The following DIDO1 variants were observed in gnomAD, a reference collection of about 807,000 sequenced individuals.
DIDO1 encodes the protein death inducer-obliterator 1, also known as death-inducer obliterator 1.
DIDO1 carries 16 observed loss-of-function variants against 99.4 expected under a neutral mutation model. The ratio of observed to expected loss-of-function variants is 0.16; its 90% CI spans 0.11 to 0.24. The LOEUF is 0.24. Ranked by LOEUF, DIDO1 falls within the 10% of genes least tolerant of loss-of-function variation. The pLI is 1.00. For missense variants in DIDO1, 2,996 were observed against 3,014.0 expected, an observed-to-expected ratio of 0.99 and a Z score of 0.14; for synonymous variants, 1,366 against 1,239.1, an observed-to-expected ratio of 1.10 and a Z score of -2.15.
rs2064826853 is a variant in DIDO1, at chr20:62,907,204, A to C, written c.1317T>G (p.Pro439=). 1 of 1,614,014 alleles carries C rather than the reference A, an allele frequency of 6.2e-7. No individual in the cohort carries two copies. Among genetic ancestry groups the C allele is most frequent in the African/African-American group, 1.3e-5 (1 of 74,896 alleles). The change falls in exon 5 of 16, where the codon CCT becomes CCG. Residue 439 remains proline, a synonymous_variant. Transcript: ENST00000395343. The part of the protein sequence containing the change: ...LSSGKEQKPK[P]KEKMKMKPEK... The stretch of plus-strand genomic sequence containing the variant: ...CTGGCTTCATCTTCATCTTTTCTTT[A>C]GGCTTTGGCTTCTGTTCTTTACCTG...
Position 62,879,728 on chromosome 20 carries a change from G to C in DIDO1, c.6228C>G (p.His2076Gln). The C allele has an allele frequency of 1.9e-6, 3 of 1,611,640 alleles. No homozygotes were observed. Among genetic ancestry groups the C allele is most frequent in the Non-Finnish European group, 2.5e-6 (3 of 1,179,808 alleles). Reference sequence around the variant, plus strand: ...CTTCGAAAGTCTGGTTTCTGTATTCGTGGCCTTTCCCCTCTCGGAAGTCGG... The same window carrying C: ...CTTCGAAAGTCTGGTTTCTGTATTCCTGGCCTTTCCCCTCTCGGAAGTCGG... ...ASADFREGKG[H>Q]EYRNQTFEGR... The change falls in exon 16 of 16, where the codon CAC (histidine) becomes CAG (glutamine). Residue 2076 changes from histidine to glutamine, a missense_variant. Coordinates refer to ENST00000395343, the MANE Select transcript of DIDO1 (RefSeq NM_001193369.2). The surrounding 1 kb of genome is among the most constrained non-coding windows in gnomAD (Gnocchi z 6.3).
intron 5 of DIDO1, 60 bp from the exon 6 acceptor site, chr20:62,906,160 T>C (rs894133550): frequency 6.4e-7 from 1 of 1,555,718 alleles, no homozygotes; most frequent in African/African-American, 1.4e-5. Context: ...CTTCACTTCA[T>C]TTCACTGAGA....
At position 62,894,555 on chromosome 20, in the gene DIDO1, AAG is replaced by A. The variant is rs768737322; in HGVS notation, c.2437-9_2437-8del. On this transcript the variant is annotated splice_region_variant and splice_polypyrimidine_tract_variant and intron_variant, in intron 10 of 15. Transcript: ENST00000395343. The surrounding 1 kb of genome is among the most constrained non-coding windows in gnomAD (Gnocchi z 4.4). ...GTGCTGACTCTTGCTGTTCCTAAAAAAGAAAAAGAAAAAAAAGTGAGGTCGTT... is the reference window on the plus strand; with the variant it reads ...GTGCTGACTCTTGCTGTTCCTAAAAAAAAAAGAAAAAAAAGTGAGGTCGTT... 2 of 1,603,790 alleles carry A rather than the reference AAG, an allele frequency of 1.2e-6. No homozygotes were observed. The highest frequency in any genetic ancestry group is 2.2e-5 in the South Asian group (2 of 90,602).
In DIDO1 at chr20:62,879,812, G is replaced by A. The variant is rs760919841; in HGVS notation, c.6144C>T (p.Ser2048=). 1.9e-5 allele frequency: 30 copies of A among 1,609,986 alleles called. No individual in the cohort carries two copies. The South Asian group carries it at 3.0e-4, about 16-fold the overall frequency. Residue 2048 remains serine, a synonymous_variant, in exon 16 of 16, where the codon TCC becomes TCT. Transcript: ENST00000395343. This position sits in a 1 kb window ranked among gnomAD's most constrained non-coding sequence, Gnocchi z 6.3. ...KDRWEEAGPP[S]ALSSSAPGQG... is the part of the protein sequence containing the mutation. ...GTCCGGGCGCACTGGAGGAGAGCGC[G>A]GAGGGCGGCCCGGCCTCCTCCCAGC...
intron 1 of DIDO1, among the ~76,000 whole-genome samples, chr20:62,934,256 C>T (rs1456228494): frequency 6.6e-6 from 1 of 152,328 alleles, no homozygotes; most frequent in South Asian, 2.1e-4. Context: ...CCTCTCCCTC[C>T]ACCCATCCCT....
intron 1 of DIDO1, among the ~76,000 whole-genome samples, chr20:62,936,587 C>T (rs927693717): frequency 3.3e-5 from 5 of 151,024 alleles, no homozygotes; most frequent in African/African-American, 4.9e-5. Context: ...CAAAATAGGC[C>T]GGGAGCGGTG....
chr20:62,889,960 G>A (rs2064364568), intron 15 of DIDO1: 1 of 985,498 alleles, frequency 1.0e-6, no homozygotes, highest in Non-Finnish European at 1.2e-6. Flanking sequence ...AGGAACGTGG[G>A]CTGTGCCTGG....
intron 4 of DIDO1, among the ~76,000 whole-genome samples, chr20:62,907,746 A>T (rs2064839238): frequency 6.6e-6 from 1 of 152,226 alleles, no homozygotes; most frequent in Admixed American, 6.5e-5. Flanking sequence ...TGCAAGTCAA[A>T]TGGGTCCGGC....
chr20:62,910,080 C>T (rs966624881), intron 3 of DIDO1, 60 bp from the exon 4 acceptor site: 80 of 1,519,816 alleles, frequency 5.3e-5, no homozygotes, highest in Non-Finnish European at 6.9e-5. Context: ...CTTTTCAACA[C>T]ATTAATAAGA....
Position 62,880,475 on chromosome 20 carries a change from T to C in DIDO1, c.5481A>G (p.Ser1827=). Residue 1827 remains serine (S), a synonymous_variant, in exon 16 of 16, where the codon TCA becomes TCG. Coordinates refer to ENST00000395343, the MANE Select transcript of DIDO1 (RefSeq NM_001193369.2). ...CTCGTGGTCCACCAAGGTAAGAGGG[T>C]GAGGGGCCTCTGCTGTCCCCATAAG... The part of the protein sequence containing the change: ...PPPYGDSRGP[S]PSYLGGPRGV... The C allele has an allele frequency of 6.2e-7, 1 of 1,612,826 alleles. No individual in the cohort carries two copies. The highest frequency in any genetic ancestry group is 8.5e-7 in the Non-Finnish European group (1 of 1,179,960).
intron 6 of DIDO1, among the ~76,000 whole-genome samples, chr20:62,900,821 C>T (rs751566261): frequency 2.0e-5 from 3 of 152,222 alleles, no homozygotes; most frequent in African/African-American, 4.8e-5. Context: ...TATCACCATC[C>T]GCTACAGCTC....
chr20:62,889,503 T>C (rs2064356237), intron 15 of DIDO1: 1 of 985,340 alleles, frequency 1.0e-6, no homozygotes, highest in African/African-American at 1.7e-5. Flanking sequence ...AAAGAAAAAG[T>C]GCTCTTTCCA....
intron 6 of DIDO1, among the ~76,000 whole-genome samples, chr20:62,899,935 A>G (rs2064625755): frequency 6.6e-6 from 1 of 152,258 alleles, no homozygotes; most frequent in African/African-American, 2.4e-5. Context: ...AAATGGGGAC[A>G]GAAACTTTTT....
At position 62,911,671 on chromosome 20, in the gene DIDO1, T is replaced by C. The variant is rs140348059; in HGVS notation, c.-2-57A>G. 8.3e-5 allele frequency: 122 copies of C among 1,466,952 alleles called. No individual in the cohort carries two copies. In the African/African-American group the frequency reaches 1.0e-3, roughly 12 times the overall value. 90.9% of individuals were successfully genotyped at this position (1,466,952 alleles called of 1,614,324 possible). A position where few individuals can be genotyped will look rare whatever the true frequency, so the allele number is the denominator to read the frequency against. On this transcript the variant is annotated intron_variant, in intron 2 of 15. Coordinates refer to ENST00000395343, the MANE Select transcript of DIDO1 (RefSeq NM_001193369.2). This position sits in a 1 kb window ranked among gnomAD's most constrained non-coding sequence, Gnocchi z 7.0. The stretch of plus-strand genomic sequence containing the variant: ...ACTGACCACAGAACAAAAGGTGACA[T>C]TGCCGCCAAACACGCGCAGCAGGGG...
At position 62,896,664 on chromosome 20, in the gene DIDO1, G is replaced by A. The variant is rs1600947994; in HGVS notation, c.1921C>T (p.Pro641Ser). 1 of 1,614,086 alleles carries A rather than the reference G, an allele frequency of 6.2e-7. No individual in the cohort carries two copies. The highest frequency in any genetic ancestry group is 2.2e-5 in the East Asian group (1 of 44,884). The part of the protein sequence containing the change: ...SAALVGAVRK[P>S]VVPSVPMASP... ...GCCATTGGAACAGAAGGTACCACTG[G>A]CTTCCTTACGGCTCCCACCAAAGCA... Residue 641 changes from proline to serine, a missense_variant, in exon 7 of 16, where the codon CCA becomes TCA. Physicochemically the swap from Pro to Ser is moderately conservative, Grantham distance 74. This residue lies in a region of DIDO1 where 898 missense variants were observed against 972.7 expected (regional missense o/e 0.92). Transcript: ENST00000395343. The surrounding 1 kb of genome is among the most constrained non-coding windows in gnomAD (Gnocchi z 4.4).
At chr20:62,929,137 A>C (rs998681424), upstream of DIDO1, 2 of 152,238 alleles carry the variant, frequency 1.3e-5, no homozygotes, top group Non-Finnish European at 2.9e-5. Flanking sequence ...GCGAAGGAGC[A>C]CCAGCGCTTC....
upstream of DIDO1, among the ~76,000 whole-genome samples, chr20:62,929,713 G>A (rs1422564154): frequency 2.9e-4 from 20 of 68,872 alleles, no homozygotes; most frequent in South Asian, 1.0e-3. Flanking sequence ...ATATATATAT[G>A]CCTACTGTTT....
At chr20:62,890,901 T>C (rs2064382583) in intron 15 of DIDO1, 59 bp downstream of exon 15, 2 of 1,611,736 alleles carry the variant, frequency 1.2e-6, no homozygotes, top group African/African-American at 2.7e-5. Flanking sequence ...GGCATGTCAG[T>C]GGGAGGAGGG....
rs141605051 is a variant in DIDO1 at position 62,886,087 on chromosome 20, G to A, written c.3542-3673C>T. The stretch of plus-strand genomic sequence containing the variant: ...ACGAAGCTGGCACCAGCCAGGTTGC[G>A]GGTGGCACAGGGCACGGTAGGCTTA... On this transcript the variant is annotated intron_variant, in intron 15 of 15. Coordinates refer to ENST00000395343, the MANE Select transcript of DIDO1 (RefSeq NM_001193369.2). 3.1e-3 allele frequency among the ~76,000 whole-genome samples: 470 copies of A among 152,370 alleles called. 5 individuals carry two copies. Among genetic ancestry groups the A allele is most frequent in the Middle Eastern group, 0.014 (4 of 294 alleles).
Sources: allele counts gnomAD v4.1 joint callset (sites outside exome capture counted in the v4.1 genomes callset), GRCh38; gene constraint gnomAD v4.1.1; regional missense constraint gnomAD v4.1.1; non-coding constraint Gnocchi (gnomAD v3.1); transcripts MANE v1.5; gene names NCBI Gene and HGNC (gene_info 2026-07-23, HGNC 2026-07-21).